Variants in SLC35F3 observed in about 807,000 individuals in gnomAD.
SLC35F3 encodes the protein solute carrier family 35 member F3, also known as putative thiamine transporter SLC35F3.
SLC35F3 carries 25 observed loss-of-function variants against 49.9 expected under a neutral mutation model. The observed-to-expected ratio is 0.50, with a 90% CI of 0.37 to 0.70. The LOEUF is 0.70. Ranked by LOEUF, SLC35F3 falls within the 30% of genes least tolerant of loss-of-function variation. SLC35F3 has a pLI of 0.00. For synonymous variants in SLC35F3, 275 were observed against 265.4 expected (o/e 1.04, Z -0.35); for missense variants, 525 against 639.8 (o/e 0.82, Z 1.94).
intron 2 of SLC35F3, among the ~76,000 whole-genome samples, chr1:234,121,558 T>A (rs527738974): frequency 5.3e-5 from 8 of 152,312 alleles, no homozygotes; most frequent in South Asian, 2.1e-4. Flanking sequence ...AGAAGCTTTT[T>A]TTTTCTTTTT....
intron 2 of SLC35F3, among the ~76,000 whole-genome samples, chr1:233,974,006 C>T (rs1572004267): frequency 6.6e-6 from 1 of 152,090 alleles, no homozygotes; most frequent in Middle Eastern, 3.2e-3. Context: ...CTCCAAGCCT[C>T]TGGCTACATG....
At chr1:233,905,452 C>T in intron 1 of SLC35F3, 77 bp from the exon 2 acceptor site, 1 of 1,114,428 alleles carries the variant, frequency 9.0e-7, no homozygotes, top group Non-Finnish European at 1.3e-6. Flanking sequence ...GCCCTGGGAT[C>T]TGCTCCTCAC....
intron 2 of SLC35F3, among the ~76,000 whole-genome samples, chr1:234,103,815 A>G (rs144970018): frequency 4.5e-4 from 69 of 152,326 alleles, no homozygotes; most frequent in African/African-American, 1.5e-3. Flanking sequence ...CAGCTTGGCC[A>G]TAGACCTGTT....
chr1:234,273,929 A>G (rs1467133201), intron 3 of SLC35F3, among the ~76,000 whole-genome samples: 1 of 152,188 alleles, frequency 6.6e-6, no homozygotes, highest in Non-Finnish European at 1.5e-5. Flanking sequence ...TACTCATTAC[A>G]TGCTGCACAT....
chr1:234,053,069 A>G (rs984708702), intron 2 of SLC35F3, among the ~76,000 whole-genome samples: 1 of 152,194 alleles, frequency 6.6e-6, no homozygotes, highest in Non-Finnish European at 1.5e-5. Context: ...TATGTGGTCA[A>G]TTATGGAATA....
intron 2 of SLC35F3, among the ~76,000 whole-genome samples, chr1:234,103,014 G>A (rs1020111818): frequency 2.0e-5 from 3 of 152,216 alleles, no homozygotes; most frequent in African/African-American, 7.2e-5. Flanking sequence ...ACTCTACACA[G>A]ACGTTCAAGT....
intron 2 of SLC35F3, among the ~76,000 whole-genome samples, chr1:233,994,387 C>T (rs1338607746): frequency 1.3e-5 from 2 of 152,194 alleles, no homozygotes; most frequent in Non-Finnish European, 2.9e-5. Context: ...GGAATTTATA[C>T]TCAGGTTGCT....
chr1:234,012,618 C>T (rs1332813174), intron 2 of SLC35F3, among the ~76,000 whole-genome samples: 1 of 152,182 alleles, frequency 6.6e-6, no homozygotes, highest in African/African-American at 2.4e-5. Context: ...TCCTGCACAG[C>T]CCTAGATCCC....
intron 2 of SLC35F3, among the ~76,000 whole-genome samples, chr1:234,056,408 T>C (rs1188450072): frequency 6.6e-6 from 1 of 152,212 alleles, no homozygotes; most frequent in Non-Finnish European, 1.5e-5. Context: ...TTCTATTTAA[T>C]ATGTACAACT....
chr1:234,042,303 A>G (rs1177742041), intron 2 of SLC35F3, among the ~76,000 whole-genome samples: 1 of 152,192 alleles, frequency 6.6e-6, no homozygotes, highest in Non-Finnish European at 1.5e-5. Flanking sequence ...CAGGGGCATG[A>G]TTAATACATT....
At chr1:234,223,215 G>A (rs549857405) in intron 2 of SLC35F3, among the ~76,000 whole-genome samples, 6 of 152,086 alleles carry the variant, frequency 3.9e-5, no homozygotes, top group East Asian at 1.9e-4. Context: ...AGAGTTATTC[G>A]GGACCTCTAA....
intron 2 of SLC35F3, among the ~76,000 whole-genome samples, chr1:234,033,647 C>G (rs1325886935): frequency 6.6e-6 from 1 of 152,124 alleles, no homozygotes; most frequent in African/African-American, 2.4e-5. Flanking sequence ...TTCGCTTTGT[C>G]GAAGATCAGT....
At chr1:234,170,193 T>C (rs115118949) in intron 2 of SLC35F3, among the ~76,000 whole-genome samples, 2,517 of 152,310 alleles carry the variant, frequency 0.017, 71 homozygotes, top group African/African-American at 0.057. Flanking sequence ...GTGCTGGCAC[T>C]GTGCTGGGGG....
chr1:233,981,480 G>A (rs1427476249), intron 2 of SLC35F3, among the ~76,000 whole-genome samples: 1 of 152,126 alleles, frequency 6.6e-6, no homozygotes, highest in African/African-American at 2.4e-5. Context: ...TCCAAGTCAC[G>A]TGGTGCAGGA....
At chr1:234,279,003 A>G (rs1668261112) in intron 3 of SLC35F3, among the ~76,000 whole-genome samples, 1 of 152,200 alleles carries the variant, frequency 6.6e-6, no homozygotes, top group South Asian at 2.1e-4. Context: ...CGCTCCTGAC[A>G]GCCTCACGAG....
At chr1:234,216,972 C>T (rs888101169) in intron 2 of SLC35F3, among the ~76,000 whole-genome samples, 4 of 152,084 alleles carry the variant, frequency 2.6e-5, no homozygotes, top group Admixed American at 2.6e-4. Context: ...AGTTTTTTTC[C>T]TTGGTGTTTT....
intron 2 of SLC35F3, among the ~76,000 whole-genome samples, chr1:234,039,092 G>T (rs907774221): frequency 6.6e-6 from 1 of 152,200 alleles, no homozygotes. Flanking sequence ...TTGTGACAGA[G>T]TTACTTGTTT....
chr1:234,271,412 G>A (rs1043687936), intron 3 of SLC35F3, among the ~76,000 whole-genome samples: 4 of 152,144 alleles, frequency 2.6e-5, no homozygotes, highest in Non-Finnish European at 5.9e-5. Flanking sequence ...GAACTCTTGT[G>A]GAAACTAGTA....
chr1:234,150,772 C>T (rs796264427), intron 2 of SLC35F3, among the ~76,000 whole-genome samples: 6 of 152,226 alleles, frequency 3.9e-5, no homozygotes, highest in African/African-American at 1.4e-4. Context: ...TAACAAAACC[C>T]GATGAAAATA....
Sources: gnomAD v4.1 joint callset for allele counts (sites outside exome capture counted in the v4.1 genomes callset) on GRCh38, gnomAD v4.1.1 for gene constraint, MANE v1.5 for transcripts, NCBI Gene and HGNC (gene_info 2026-07-23, HGNC 2026-07-21) for gene names.